The following DMD variants were observed in gnomAD, a reference collection of about 807,000 sequenced individuals.
The protein encoded by DMD is dystrophin.
Under a neutral mutation model 330.1 loss-of-function variants are expected in DMD, and 63 were observed. The observed-to-expected ratio is 0.19, with a 90% CI of 0.16 to 0.24. The LOEUF is 0.24. Ranked by LOEUF, DMD falls within the 10% of genes least tolerant of loss-of-function variation. DMD has a pLI of 1.00. For synonymous variants in DMD, 1,223 were observed against 959.8 expected, an observed-to-expected ratio of 1.27 and a Z score of -5.07; for missense variants, 3,344 against 2,684.1, an observed-to-expected ratio of 1.25 and a Z score of -5.43.
At chrX:33,024,387 CTT>C (rs918318237) in intron 1 of DMD, among the ~76,000 whole-genome samples, 2 of 112,009 alleles carry the variant, frequency 1.8e-5, no homozygotes, top group African/African-American at 3.2e-5. Context: ...GAAAATCTCT[CTT>C]AGGAAAATTT....
chrX:31,241,252 G>A (rs907047969), intron 63 of DMD, among the ~76,000 whole-genome samples: 2 of 111,494 alleles, frequency 1.8e-5, no homozygotes, highest in African/African-American at 6.5e-5. Flanking sequence ...TATAGCTGAG[G>A]GGCTAAATCG....
intron 2 of DMD, among the ~76,000 whole-genome samples, chrX:32,995,282 G>T (rs73621853): frequency 1.8e-5 from 2 of 112,010 alleles, no homozygotes; most frequent in Non-Finnish European, 3.8e-5. Context: ...CTTAAATGCC[G>T]TATAAAGCAC....
chrX:33,008,887 T>C (rs1326461291), intron 2 of DMD, among the ~76,000 whole-genome samples: 1 of 96,949 alleles, frequency 1.0e-5, no homozygotes, highest in African/African-American at 3.6e-5. Context: ...TATGTATATA[T>C]ACGTGTATAT....
At chrX:32,018,703 T>C (rs151141743) in intron 44 of DMD, among the ~76,000 whole-genome samples, 123 of 112,122 alleles carry the variant, frequency 1.1e-3, no homozygotes, top group East Asian at 2.8e-3. Context: ...GCCTGTTTCA[T>C]AGACACAGGT....
intron 48 of DMD, among the ~76,000 whole-genome samples, chrX:31,870,247 ATATAT>A (rs1341727078): frequency 8.9e-6 from 1 of 111,881 alleles, no homozygotes; most frequent in Non-Finnish European, 1.9e-5. Flanking sequence ...AGAAAACTTT[ATATAT>A]TATTTCTCTA....
chrX:32,903,012 C>T (rs945897424), intron 2 of DMD, among the ~76,000 whole-genome samples: 3 of 107,302 alleles, frequency 2.8e-5, no homozygotes, highest in Non-Finnish European at 5.7e-5. Flanking sequence ...CAAAAATTAG[C>T]TGGGCTTGGT....
At chrX:31,331,972 G>A in intron 61 of DMD, among the ~76,000 whole-genome samples, 2 of 112,317 alleles carry the variant, frequency 1.8e-5, no homozygotes, top group South Asian at 7.5e-4. Flanking sequence ...AACGCAAAAA[G>A]AGTATAGGAG....
intron 16 of DMD, among the ~76,000 whole-genome samples, chrX:32,557,860 T>C (rs1367088180): frequency 9.0e-6 from 1 of 111,008 alleles, no homozygotes. Context: ...TAGCATACAA[T>C]GAGTGCCAAA....
At chrX:31,874,536 C>T (rs893461271) in intron 48 of DMD, among the ~76,000 whole-genome samples, 3 of 111,330 alleles carry the variant, frequency 2.7e-5, no homozygotes, top group African/African-American at 9.8e-5. Flanking sequence ...ATTCTAGTAA[C>T]ATAAGTTTAA....
rs182338805 is a variant in DMD at position 33,088,770 on chromosome X, A to T, written c.32-68570T>A. ...TTAAAACTTATAATAAAATAACTTTAATGAGTGGCTTGGAAATTAACTGTT... is the reference window on the plus strand; with the variant it reads ...TTAAAACTTATAATAAAATAACTTTTATGAGTGGCTTGGAAATTAACTGTT... On this transcript the variant is annotated intron_variant, in intron 1 of 78. Transcript: ENST00000357033. 8.1e-3 allele frequency among the ~76,000 whole-genome samples: 910 copies of T among 112,488 alleles called. 6 individuals carry two copies. The highest frequency in any genetic ancestry group is 0.028 in the African/African-American group (876 of 31,064).
At chrX:33,068,955 T>G (rs745358205) in intron 1 of DMD, among the ~76,000 whole-genome samples, 5 of 111,986 alleles carry the variant, frequency 4.5e-5, no homozygotes, top group Non-Finnish European at 7.5e-5. Context: ...CTCCATTTCC[T>G]CTCTAGTTAT....
intron 7 of DMD, among the ~76,000 whole-genome samples, chrX:32,737,548 A>C (rs1421045214): frequency 9.0e-6 from 1 of 111,209 alleles, no homozygotes; most frequent in Non-Finnish European, 1.9e-5. Flanking sequence ...GTTGATACAA[A>C]CTTCTCTCAG....
intron 1 of DMD, among the ~76,000 whole-genome samples, chrX:33,230,585 G>A (rs1397693000): frequency 9.0e-6 from 1 of 111,265 alleles, no homozygotes; most frequent in Non-Finnish European, 1.9e-5. Context: ...TGGAATAATA[G>A]ATTTTCAGCA....
chrX:33,182,827 C>T (rs911916495), intron 1 of DMD, among the ~76,000 whole-genome samples: 5 of 112,060 alleles, frequency 4.5e-5, no homozygotes. Context: ...GAAAATAAGC[C>T]TACAGAAAAC....
At chrX:32,933,183 A>G (rs932993696) in intron 2 of DMD, among the ~76,000 whole-genome samples, 6 of 111,009 alleles carry the variant, frequency 5.4e-5, no homozygotes, top group Admixed American at 4.8e-4. Context: ...ACAAAAAAAT[A>G]TTTGTAAAGG....
chrX:31,578,308 G>A (rs1400990342), intron 55 of DMD, among the ~76,000 whole-genome samples: 1 of 111,796 alleles, frequency 8.9e-6, no homozygotes, highest in African/African-American at 3.3e-5. Context: ...GAGAAGTTAA[G>A]AGACTTGCCC....
intron 2 of DMD, among the ~76,000 whole-genome samples, chrX:32,889,813 T>A (rs1014445033): frequency 9.0e-6 from 1 of 111,067 alleles, no homozygotes; most frequent in African/African-American, 3.3e-5. Context: ...TCAGCCCACC[T>A]GCACCCAGGT....
intron 52 of DMD, among the ~76,000 whole-genome samples, chrX:31,698,769 G>A (rs2083607775): frequency 9.0e-6 from 1 of 111,464 alleles, no homozygotes; most frequent in Non-Finnish European, 1.9e-5. Context: ...TAAAGTATCT[G>A]AGATGTAACA....
Position 31,509,292 on chromosome X carries a change from A to C in DMD, c.8218-1839T>G, listed in dbSNP as rs185851977. ...CTACGTGGAATAACATGCCTGCCTAATTTGCACTTCTTCAGCAAAAGAGAA... is the reference window on the plus strand; with the variant it reads ...CTACGTGGAATAACATGCCTGCCTACTTTGCACTTCTTCAGCAAAAGAGAA... On this transcript the variant is annotated intron_variant, in intron 55 of 78. Coordinates refer to ENST00000357033, the MANE Select transcript of DMD (RefSeq NM_004006.3). 2.7e-5 allele frequency among the ~76,000 whole-genome samples: 3 copies of C among 111,562 alleles called. No homozygotes were observed. In the Admixed American group the frequency reaches 2.9e-4, roughly 11 times the overall value.
Sources: allele counts gnomAD v4.1 joint callset (sites outside exome capture counted in the v4.1 genomes callset), GRCh38; gene constraint gnomAD v4.1.1; transcripts MANE v1.5; gene names NCBI Gene and HGNC (gene_info 2026-07-23, HGNC 2026-07-21).